Variants in FAT1 observed in about 807,000 individuals in gnomAD.
The protein encoded by FAT1 is FAT atypical cadherin 1.
FAT1 carries 171 observed loss-of-function variants against 329.8 expected under a neutral mutation model. The observed-to-expected ratio is 0.52, with a 90% CI of 0.46 to 0.59. The LOEUF (loss-of-function observed/expected upper bound fraction) is 0.59. Ranked by LOEUF, FAT1 falls within the 20% of genes least tolerant of loss-of-function variation. FAT1 has a pLI of 0.00. For synonymous variants in FAT1, 2,233 were observed against 2,228.6 expected, an observed-to-expected ratio of 1.00 and a Z score of -0.06; for missense variants, 5,672 against 5,774.4, an observed-to-expected ratio of 0.98 and a Z score of 0.57.
chr4:186,597,879 G>T (rs2126400677), intron 23 of FAT1, 87 bp from the exon 24 acceptor site: 1 of 1,555,444 alleles, frequency 6.4e-7, no homozygotes, highest in Non-Finnish European at 8.8e-7. Flanking sequence ...GAACACATTA[G>T]CAAATTAACG....
At chr4:186,635,960 A>G in intron 6 of FAT1, 65 bp downstream of exon 6, 1 of 1,417,296 alleles carries the variant, frequency 7.1e-7, no homozygotes, top group South Asian at 1.2e-5. Flanking sequence ...AAAACTCATC[A>G]AACCGTATGC....
chr4:186,617,788 T>G lies in FAT1; in HGVS notation c.8798A>C (p.Gln2933Pro), dbSNP rs1280098. The G allele has an allele frequency of 0.55, 884,795 of 1,613,496 alleles. 244,838 individuals are homozygous for G. The highest frequency in any genetic ancestry group is 0.7 in the African/African-American group (52,793 of 74,962). Residue 2933 changes from glutamine (Q) to proline (P), a missense_variant, in exon 10 of 27, where the codon CAA becomes CCA. Gln to Pro is a moderately conservative substitution (Grantham distance 76). Coordinates refer to ENST00000441802, the MANE Select transcript of FAT1 (RefSeq NM_005245.4). ...YKGTVSEDDP[Q>P]GGVIAILSTT... ...ACTTAAGATGGCAATCACCCCACCT[T>G]GGGGGTCATCCTCACTCACAGTCCC...
chr4:186,643,230 G>A (rs1339654971), intron 3 of FAT1, among the ~76,000 whole-genome samples: 4 of 152,106 alleles, frequency 2.6e-5, no homozygotes, highest in Non-Finnish European at 4.4e-5. Flanking sequence ...CGCTCCCCAC[G>A]GCAGGAAGCT....
chr4:186,698,878 G>A (rs1278489424), intron 2 of FAT1, among the ~76,000 whole-genome samples: 2 of 152,220 alleles, frequency 1.3e-5, no homozygotes, highest in South Asian at 2.1e-4. Flanking sequence ...GCCTCCTAAC[G>A]CATCACACCA....
intron 1 of FAT1, among the ~76,000 whole-genome samples, chr4:186,720,728 T>C (rs924658216): frequency 2.6e-5 from 4 of 152,220 alleles, no homozygotes; most frequent in African/African-American, 9.6e-5. Context: ...TGTTCAGCAC[T>C]AGATGTTGTG....
At position 186,645,421 on chromosome 4, in the gene FAT1, AT is replaced by A. The variant is rs1335408936; in HGVS notation, c.3581-5639del. On this transcript the variant is annotated intron_variant, in intron 3 of 26. Coordinates refer to ENST00000441802, the MANE Select transcript of FAT1 (RefSeq NM_005245.4). ...TATATATATATATATATATATATATATGCCTGTAAAAAACTGAGATATATCC... is the reference window on the plus strand; with the variant it reads ...TATATATATATATATATATATATATAGCCTGTAAAAAACTGAGATATATCC... Among the ~76,000 whole-genome samples, 113 of 73,596 alleles carry A rather than the reference AT, an allele frequency of 1.5e-3. 2 individuals are homozygous for A. Among genetic ancestry groups the A allele is most frequent in the African/African-American group, 5.9e-3 (105 of 17,728 alleles). 48.3% of individuals were successfully genotyped at this position (73,596 alleles called of 152,430 possible).
In FAT1 at chr4:186,588,617, T is replaced by G. The variant is rs1001738246; in HGVS notation, c.13742A>C (p.Asp4581Ala). 1.9e-6 allele frequency: 3 copies of G among 1,612,808 alleles called. No individual in the cohort carries two copies. Among genetic ancestry groups the G allele is most frequent in the Non-Finnish European group, 2.5e-6 (3 of 1,179,378 alleles). Residue 4581 changes from aspartate to alanine, a missense_variant, in exon 27 of 27, where the codon GAT becomes GCT. Asp to Ala is a moderately radical substitution (Grantham distance 126, BLOSUM62 -2). Transcript: ENST00000441802. ...TCAGACTTCCGTGTGCTGCTGGGAATCCAGGGGCGGGATCGTCACCTCTTC... is the reference window on the plus strand; with the variant it reads ...TCAGACTTCCGTGTGCTGCTGGGAAGCCAGGGGCGGGATCGTCACCTCTTC... ...HFEEVTIPPL[D>A]SQQHTEV
chr4:186,609,000 TG>T (rs1183547481), intron 16 of FAT1, among the ~76,000 whole-genome samples, 182 bp downstream of exon 16: 1 of 152,216 alleles, frequency 6.6e-6, no homozygotes, highest in Non-Finnish European at 1.5e-5. Flanking sequence ...TATCCTAGCA[TG>T]GAACACATTT....
At chr4:186,635,480 G>T (rs1220558114) in intron 6 of FAT1, among the ~76,000 whole-genome samples, 7 of 152,148 alleles carry the variant, frequency 4.6e-5, no homozygotes, top group African/African-American at 1.7e-4. Flanking sequence ...CCTACCTGTT[G>T]AAAATGAGGT....
rs760820218 is a variant in FAT1, at chr4:186,603,901, G to T, written c.10625C>A (p.Pro3542Gln). Reference sequence around the variant, plus strand: ...AATCTCCAGGGGCAAAATCGCAGGCGGATAGATGCTCTCCTCAATTACCCT... The same window carrying T: ...AATCTCCAGGGGCAAAATCGCAGGCTGATAGATGCTCTCCTCAATTACCCT... Reference protein sequence around the residue: ...DIRVIEESIYPPAILPLEIFI... With the variant: ...DIRVIEESIYQPAILPLEIFI... Residue 3542 changes from proline to glutamine, a missense_variant, in exon 19 of 27, where the codon CCG becomes CAG. By Grantham distance (76) the Pro-to-Gln change is moderately conservative (BLOSUM62 -1). Coordinates refer to ENST00000441802, the MANE Select transcript of FAT1 (RefSeq NM_005245.4). 4 of 1,613,796 alleles carry T rather than the reference G, an allele frequency of 2.5e-6. No homozygotes were observed. In the Admixed American group the frequency reaches 6.7e-5, roughly 27 times the overall value.
chr4:186,683,519 C>T (rs1266177409), intron 2 of FAT1, among the ~76,000 whole-genome samples: 1 of 152,216 alleles, frequency 6.6e-6, no homozygotes. Context: ...TTCTTTCACC[C>T]TCTCAAATCT....
rs2126493900 is a variant in FAT1 at position 186,618,337 on chromosome 4, G to T, written c.8249C>A (p.Ser2750Tyr). 6.2e-7 allele frequency: 1 copy of T among 1,613,944 alleles called. No homozygotes were observed. The highest frequency in any genetic ancestry group is 1.1e-5 in the South Asian group (1 of 91,074). The change falls in exon 10 of 27, where the codon TCC becomes TAC. Residue 2750 changes from serine to tyrosine, a missense_variant. Physicochemically the swap from Ser to Tyr is moderately radical, Grantham distance 144. This residue lies in a region of FAT1 where 3,966 missense variants were observed against 3,915.2 expected (regional missense o/e 1.01). Transcript: ENST00000441802. Reference protein sequence around the residue: ...GNTPESNRDESFVIDRQSGRL... With the variant: ...GNTPESNRDEYFVIDRQSGRL... ...CCCGCTCTGTCTGTCAATCACAAAG[G>T]ACTCATCCCTATTGCTTTCTGGAGT...
rs754100394 is a variant in FAT1, at chr4:186,620,235, A to T, written c.6351T>A (p.His2117Gln). Residue 2117 changes from histidine to glutamine, a missense_variant, in exon 10 of 27, where the codon CAT becomes CAA. This residue lies in a region of FAT1 where 3,966 missense variants were observed against 3,915.2 expected (regional missense o/e 1.01). Coordinates refer to ENST00000441802, the MANE Select transcript of FAT1 (RefSeq NM_005245.4). ...GTTCATGATGTTCCTTGAGGTAGTAATGCACTTCCCCGTTTCTGCCACTGT... is the reference window on the plus strand; with the variant it reads ...GTTCATGATGTTCCTTGAGGTAGTATTGCACTTCCCCGTTTCTGCCACTGT... ...DRDSGRNGEV[H>Q]YYLKEHHEHF... 4 of 1,614,002 alleles carry T rather than the reference A, an allele frequency of 2.5e-6. No individual in the cohort carries two copies. The highest frequency in any genetic ancestry group is 3.3e-5 in the Admixed American group (2 of 60,022).
In FAT1 at chr4:186,708,343, G is replaced by A. The variant is rs458021; in HGVS notation, c.1485C>T (p.Asn495=). ...TTGCGATACTGTATGTCACGTACCC[G>A]TTCTCACCCTCATCAGGGTCTACGG... ...LSAVDPDEGE[N]GYVTYSIANL... The change falls in exon 2 of 27, where the codon AAC becomes AAT. Residue 495 remains asparagine (N), a synonymous_variant. Transcript: ENST00000441802. 978,537 of 1,613,604 alleles carry A rather than the reference G, an allele frequency of 0.61. 305,087 individuals are homozygous for A. The highest frequency in any genetic ancestry group is 0.65 in the Non-Finnish European group (763,886 of 1,179,766).
intron 2 of FAT1, among the ~76,000 whole-genome samples, chr4:186,672,367 G>C (rs1397693597): frequency 1.3e-5 from 2 of 152,128 alleles, no homozygotes; most frequent in African/African-American, 2.4e-5. Flanking sequence ...TACCGTACAG[G>C]TGCCTCTCTG....
In FAT1 at chr4:186,601,303, A is replaced by C; in HGVS notation, c.11606T>G (p.Met3869Arg). 1.2e-6 allele frequency: 2 copies of C among 1,610,448 alleles called. No individual in the cohort carries two copies. Among genetic ancestry groups the C allele is most frequent in the Non-Finnish European group, 1.7e-6 (2 of 1,177,034 alleles). Reference protein sequence around the residue: ...LRTYSTHAVVMYARGTDYSIL... With the variant: ...LRTYSTHAVVRYARGTDYSIL... ...GCTATAGTCAGTTCCTCGAGCATAC[A>C]TGACAACCGCATGCGTGGAATATGT... is the stretch of plus-strand genomic sequence containing the variant. The change falls in exon 21 of 27, where the codon ATG (methionine) becomes AGG (arginine). Residue 3869 changes from methionine (M) to arginine (R), a missense_variant. Coordinates refer to ENST00000441802, the MANE Select transcript of FAT1 (RefSeq NM_005245.4).
intron 2 of FAT1, among the ~76,000 whole-genome samples, chr4:186,682,224 T>G (rs1314654588): frequency 6.6e-6 from 1 of 152,198 alleles, no homozygotes; most frequent in Non-Finnish European, 1.5e-5. Context: ...ATCTTCTGAA[T>G]TGCTAAAAGT....
chr4:186,709,132 A>G lies in FAT1; in HGVS notation c.696T>C (p.Tyr232=), dbSNP rs1264268655. ...ILAADRGMKL[Y]GSSGISSMAK... ...CCATGCTGCTGATGCCACTGCTCCCATACAACTTCATGCCACGGTCCGCAG... is the reference window on the plus strand; with the variant it reads ...CCATGCTGCTGATGCCACTGCTCCCGTACAACTTCATGCCACGGTCCGCAG... The change falls in exon 2 of 27, where the codon TAT becomes TAC. Residue 232 remains tyrosine (Y), a synonymous_variant. Transcript: ENST00000441802. 6.2e-7 allele frequency: 1 copy of G among 1,613,856 alleles called. No homozygotes were observed. Among genetic ancestry groups the G allele is most frequent in the Non-Finnish European group, 8.5e-7 (1 of 1,179,874 alleles).
intron 2 of FAT1, among the ~76,000 whole-genome samples, chr4:186,700,954 A>G (rs327068): frequency 0.9 from 137,307 of 152,138 alleles, 62,597 homozygotes; most frequent in African/African-American, 0.98. Flanking sequence ...CCACACCTCC[A>G]GGTCCCGGCC....
Sources: gnomAD v4.1 joint callset for allele counts (sites outside exome capture counted in the v4.1 genomes callset) on GRCh38, gnomAD v4.1.1 for gene constraint, gnomAD v4.1.1 regional missense constraint, MANE v1.5 for transcripts, NCBI Gene and HGNC (gene_info 2026-07-23, HGNC 2026-07-21) for gene names.